CSMD1: variants seen among roughly 807,000 people sequenced by gnomAD.
CSMD1 encodes the protein CUB and sushi domain-containing protein 1.
CSMD1 carries 213 observed loss-of-function variants against 417.5 expected under a neutral mutation model. The ratio of observed to expected loss-of-function variants is 0.51; its 90% CI spans 0.46 to 0.57. CSMD1 has a LOEUF of 0.57. Among genes scored for constraint, CSMD1 ranks in the 20% least tolerant of loss-of-function variants. The pLI, the probability that CSMD1 is intolerant of heterozygous loss-of-function variation, is 0.00. For missense variants in CSMD1, 6,923 were observed against 4,529.7 expected (o/e 1.53, Z -15.17); for synonymous variants, 2,862 against 1,736.8 (o/e 1.65, Z -16.11).
chr8:4,121,812 T>C (rs1802502837), intron 3 of CSMD1, among the ~76,000 whole-genome samples: 1 of 152,068 alleles, frequency 6.6e-6, no homozygotes, highest in South Asian at 2.1e-4. Flanking sequence ...AATTGTAACT[T>C]AGTTCCAAGG....
chr8:4,180,086 C>T (rs1798269507), intron 3 of CSMD1, among the ~76,000 whole-genome samples: 1 of 151,992 alleles, frequency 6.6e-6, no homozygotes, highest in African/African-American at 2.4e-5. Context: ...GGGTATATAC[C>T]CAAAGACTAT....
intron 23 of CSMD1, among the ~76,000 whole-genome samples, chr8:3,330,273 C>A (rs531546416): frequency 1.3e-5 from 2 of 152,306 alleles, no homozygotes; most frequent in African/African-American, 4.8e-5. Flanking sequence ...ATAAACTGTT[C>A]TACCATAAAG....
chr8:2,983,467 T>A (rs1457975749), intron 54 of CSMD1, among the ~76,000 whole-genome samples: 1 of 152,202 alleles, frequency 6.6e-6, no homozygotes, highest in African/African-American at 2.4e-5. Context: ...ATTGCAGGTG[T>A]GAGCCACCTC....
intron 3 of CSMD1, among the ~76,000 whole-genome samples, chr8:4,210,953 T>G (rs1800270569): frequency 6.6e-6 from 1 of 152,266 alleles, no homozygotes; most frequent in South Asian, 2.1e-4. Context: ...TGCTTTAAAC[T>G]TCTCTAAATG....
At chr8:3,378,822 T>C (rs1330729556) in intron 18 of CSMD1, among the ~76,000 whole-genome samples, 2 of 152,182 alleles carry the variant, frequency 1.3e-5, no homozygotes, top group African/African-American at 4.8e-5. Flanking sequence ...AAGCATTCCC[T>C]TTGAAAACTG....
At chr8:4,171,038 C>T (rs935111907) in intron 3 of CSMD1, among the ~76,000 whole-genome samples, 6 of 151,858 alleles carry the variant, frequency 4.0e-5, no homozygotes, top group Admixed American at 2.6e-4. Context: ...CAGAATGCAC[C>T]GATCTCTCCA....
At chr8:3,619,359 G>T (rs1025408317) in intron 7 of CSMD1, among the ~76,000 whole-genome samples, 1 of 144,782 alleles carries the variant, frequency 6.9e-6, no homozygotes, top group African/African-American at 2.5e-5. Flanking sequence ...GAGCACGGTA[G>T]TTAATTTTTT....
chr8:4,339,130 C>T (rs546947223), intron 3 of CSMD1, among the ~76,000 whole-genome samples: 1 of 152,058 alleles, frequency 6.6e-6, no homozygotes, highest in African/African-American at 2.4e-5. Context: ...GAAATATATT[C>T]CAACTACAAA....
At chr8:4,290,054 A>G (rs1157913007) in intron 3 of CSMD1, among the ~76,000 whole-genome samples, 1 of 152,236 alleles carries the variant, frequency 6.6e-6, no homozygotes, top group Non-Finnish European at 1.5e-5. Context: ...AGAACCAACA[A>G]CTGCAAATTC....
Position 4,763,387 on chromosome 8 carries a change from G to C in CSMD1, c.86-125829C>G, listed in dbSNP as rs17071232. On this transcript the variant is annotated intron_variant, in intron 1 of 69. Transcript: ENST00000635120. ...CAGTCCTTCCTGTTCTAGGTTTTTA[G>C]GCAGTTAATTCAGTCTGTGCTGAGA... 5.3e-5 allele frequency among the ~76,000 whole-genome samples: 8 copies of C among 152,196 alleles called. No individual in the cohort carries two copies. The South Asian group carries it at 8.3e-4, about 16-fold the overall frequency.
intron 5 of CSMD1, among the ~76,000 whole-genome samples, chr8:3,762,059 A>C (rs1434963098): frequency 2.6e-5 from 4 of 151,984 alleles, no homozygotes; most frequent in South Asian, 4.2e-4. Flanking sequence ...CAATTTTTTA[A>C]ATGAAAAAAT....
intron 1 of CSMD1, among the ~76,000 whole-genome samples, chr8:4,710,635 G>C (rs1808227336): frequency 6.6e-6 from 1 of 151,370 alleles, no homozygotes; most frequent in African/African-American, 2.4e-5. Context: ...CACAAGCTCA[G>C]GAGATGGAGA....
intron 1 of CSMD1, among the ~76,000 whole-genome samples, chr8:4,784,093 A>G (rs1041448280): frequency 6.6e-6 from 1 of 152,228 alleles, no homozygotes; most frequent in African/African-American, 2.4e-5. Context: ...TTGGTTCTCT[A>G]TGTCTTGACA....
At position 4,155,672 on chromosome 8, in the gene CSMD1, G is replaced by C. The variant is rs770543676; in HGVS notation, c.416-123573C>G. ...AATACACATTCAAAGAAACGTGACAGATTTTAAGCAAATTTCTAATCAACA... is the reference window on the plus strand; with the variant it reads ...AATACACATTCAAAGAAACGTGACACATTTTAAGCAAATTTCTAATCAACA... On this transcript the variant is annotated intron_variant, in intron 3 of 69. Coordinates refer to ENST00000635120, the MANE Select transcript of CSMD1 (RefSeq NM_033225.6). Among the ~76,000 whole-genome samples the C allele has an allele frequency of 5.3e-5, 8 of 152,250 alleles. No homozygotes were observed. In the East Asian group the frequency reaches 1.5e-3, roughly 29 times the overall value.
chr8:3,240,692 C>T (rs1444961044), intron 26 of CSMD1, among the ~76,000 whole-genome samples: 1 of 151,996 alleles, frequency 6.6e-6, no homozygotes, highest in Non-Finnish European at 1.5e-5. Flanking sequence ...GTAAAGAAAG[C>T]AGGTTTGAGA....
At chr8:4,289,230 C>A (rs777718635) in intron 3 of CSMD1, among the ~76,000 whole-genome samples, 1 of 152,136 alleles carries the variant, frequency 6.6e-6, no homozygotes, top group Non-Finnish European at 1.5e-5. Flanking sequence ...TCGGTCATTT[C>A]TCATATTGTT....
At chr8:3,547,789 G>C (rs1207334398) in intron 10 of CSMD1, among the ~76,000 whole-genome samples, 1 of 152,034 alleles carries the variant, frequency 6.6e-6, no homozygotes, top group Non-Finnish European at 1.5e-5. Context: ...TGCTCTTTAA[G>C]ATTTATGAAA....
At chr8:4,386,956 AAT>A (rs1803494027) in intron 3 of CSMD1, among the ~76,000 whole-genome samples, 1 of 152,226 alleles carries the variant, frequency 6.6e-6, no homozygotes, top group Non-Finnish European at 1.5e-5. Flanking sequence ...CATGAAGTGT[AAT>A]ATGTTACGAT....
chr8:4,043,572 G>C (rs1042130601), intron 3 of CSMD1, among the ~76,000 whole-genome samples: 35 of 152,178 alleles, frequency 2.3e-4, no homozygotes, highest in African/African-American at 7.7e-4. Context: ...CTGCTGTCTG[G>C]CCGCCTTGAG....
Sources: allele counts gnomAD v4.1 joint callset (sites outside exome capture counted in the v4.1 genomes callset), GRCh38; gene constraint gnomAD v4.1.1; transcripts MANE v1.5; gene names NCBI Gene and HGNC (gene_info 2026-07-23, HGNC 2026-07-21).